Variants in SSH1 observed in about 807,000 individuals in gnomAD.
SSH1 encodes the protein slingshot protein phosphatase 1.
In SSH1, 43 loss-of-function variants were observed where a neutral mutation model predicts 79.7. The ratio of observed to expected loss-of-function variants is 0.54; its 90% CI spans 0.42 to 0.70. The LOEUF (loss-of-function observed/expected upper bound fraction) is 0.70. Ranked by LOEUF, SSH1 falls within the 30% of genes least tolerant of loss-of-function variation. The pLI is 0.00. For missense variants in SSH1, 1,206 were observed against 1,358.8 expected (o/e 0.89, Z 1.77); for synonymous variants, 599 against 538.3 (o/e 1.11, Z -1.56).
intron 3 of SSH1, among the ~76,000 whole-genome samples, chr12:108,819,138 T>C (rs1490326648): frequency 6.6e-6 from 1 of 152,212 alleles, no homozygotes; most frequent in African/African-American, 2.4e-5. Context: ...TAAGTGACTC[T>C]ACAGATAGCA....
At position 108,783,065 on chromosome 12, in the gene SSH1, G is replaced by A. The variant is rs2036173487; in HGVS notation, c.*4923C>T. The A allele has an allele frequency of 6.6e-6, 1 of 152,260 alleles. No individual in the cohort carries two copies. The highest frequency in any genetic ancestry group is 1.5e-5 in the Non-Finnish European group (1 of 68,058). The allele number at this position is 152,260 out of a possible 1,614,324, so 9.4% of individuals were successfully genotyped here. On this transcript the variant is annotated 3_prime_UTR_variant, in exon 15 of 15. Transcript: ENST00000326495. ...AGGTGGTAATAAAATCTCTATGAAA[G>A]AAGAGTATGATTGTGTGACTGGGGA...
rs1199475157 is a variant in SSH1, at chr12:108,788,627, T to C, written c.2511A>G (p.Ala837=). The part of the protein sequence containing the change: ...KELERLKSVP[A]DPAPPSRDGP... The stretch of plus-strand genomic sequence containing the variant: ...CATCCCTGGAGGGAGGTGCTGGGTC[T>C]GCAGGCACGCTCTTCAGCCGCTCTA... Residue 837 remains alanine, a synonymous_variant, in exon 15 of 15, where the codon GCA becomes GCG. Coordinates refer to ENST00000326495, the MANE Select transcript of SSH1 (RefSeq NM_018984.4). 2.5e-6 allele frequency: 4 copies of C among 1,612,146 alleles called. No homozygotes were observed. The highest frequency in any genetic ancestry group is 3.4e-6 in the Non-Finnish European group (4 of 1,178,516).
At chr12:108,837,432 TCA>T (rs1480988287) in intron 2 of SSH1, among the ~76,000 whole-genome samples, 1 of 152,248 alleles carries the variant, frequency 6.6e-6, no homozygotes, top group East Asian at 1.9e-4. Context: ...TGGGAATGCA[TCA>T]GAGTCAGTGT....
At chr12:108,810,106 C>A (rs936458600) in intron 6 of SSH1, among the ~76,000 whole-genome samples, 1 of 151,874 alleles carries the variant, frequency 6.6e-6, no homozygotes, top group African/African-American at 2.4e-5. Flanking sequence ...CCCGGCCGTT[C>A]CTTTTTGTAA....
In SSH1 at chr12:108,828,539, C is replaced by T. The variant is rs2038389946; in HGVS notation, c.111-5178G>A. Among the ~76,000 whole-genome samples, 4 of 152,172 alleles carry T rather than the reference C, an allele frequency of 2.6e-5. No individual in the cohort carries two copies. The South Asian group carries it at 6.2e-4, about 24-fold the overall frequency. On this transcript the variant is annotated intron_variant, in intron 2 of 14. Coordinates refer to ENST00000326495, the MANE Select transcript of SSH1 (RefSeq NM_018984.4). ...AAGTCAGAATGTGGATCACATCTTC[C>T]GTCCTTCTTCCCAGTGTGTGAATGC...
Position 108,792,564 on chromosome 12 carries a change from C to G in SSH1, c.1615G>C (p.Ala539Pro), listed in dbSNP as rs757847121. Residue 539 changes from alanine (A) to proline (P), a missense_variant, in exon 14 of 15, where the codon GCT (alanine) becomes CCT (proline). By Grantham distance (27) the Ala-to-Pro change is conservative. Transcript: ENST00000326495. ...LVHLEDPEREALLEEAAPPAE... is the reference protein window; with the variant it reads ...LVHLEDPEREPLLEEAAPPAE... Reference sequence around the variant, plus strand: ...GGTGGAGCAGCTTCCTCCAACAGAGCCTCCCTCTCCGGATCCTCCAGGTGG... The same window carrying G: ...GGTGGAGCAGCTTCCTCCAACAGAGGCTCCCTCTCCGGATCCTCCAGGTGG... 1.2e-6 allele frequency: 2 copies of G among 1,613,880 alleles called. No homozygotes were observed. The highest frequency in any genetic ancestry group is 2.2e-5 in the South Asian group (2 of 91,066).
At chr12:108,800,695 T>C (rs191056554) in intron 12 of SSH1, 85 bp downstream of exon 12, 153 of 1,550,272 alleles carry the variant, frequency 9.9e-5, no homozygotes, top group Middle Eastern at 6.9e-4. Flanking sequence ...CCAGCCGACT[T>C]CTGCATCTGC....
intron 2 of SSH1, chr12:108,834,141 C>G (rs2038540555): frequency 6.6e-6 from 1 of 151,904 alleles, no homozygotes; most frequent in African/African-American, 2.4e-5. Context: ...AACAGTATTT[C>G]AGAATAAAAA....
At chr12:108,845,253 T>C (rs1311599684) in intron 2 of SSH1, among the ~76,000 whole-genome samples, 5 of 148,070 alleles carry the variant, frequency 3.4e-5, no homozygotes, top group Non-Finnish European at 6.0e-5. Flanking sequence ...AAGAACCACG[T>C]GAGCTTAAAA....
intron 2 of SSH1, among the ~76,000 whole-genome samples, chr12:108,844,021 G>C (rs2038838802): frequency 6.6e-6 from 1 of 152,126 alleles, no homozygotes; most frequent in Non-Finnish European, 1.5e-5. Flanking sequence ...AGGAAGACAC[G>C]AATCATTCCC....
At chr12:108,832,707 A>G (rs2038503834) in intron 2 of SSH1, among the ~76,000 whole-genome samples, 1 of 152,220 alleles carries the variant, frequency 6.6e-6, no homozygotes, top group South Asian at 2.1e-4. Context: ...CGTGTTTAAA[A>G]GTCACAAAGA....
At chr12:108,789,616 G>A (rs1156373152) in intron 14 of SSH1, among the ~76,000 whole-genome samples, 1 of 152,176 alleles carries the variant, frequency 6.6e-6, no homozygotes, top group Non-Finnish European at 1.5e-5. Context: ...AGAAAGCTGT[G>A]TGAAGAGTCC....
chr12:108,856,766 C>T (rs2039152888), intron 1 of SSH1, among the ~76,000 whole-genome samples: 1 of 152,218 alleles, frequency 6.6e-6, no homozygotes, highest in South Asian at 2.1e-4. Flanking sequence ...TCACATCTCA[C>T]ATCGCACAGC....
chr12:108,809,880 CATG>C (rs2037488737), intron 6 of SSH1, 122 bp from the exon 7 acceptor site: 2 of 831,934 alleles, frequency 2.4e-6, no homozygotes, highest in Non-Finnish European at 4.2e-6. Context: ...TCTCAGGCCA[CATG>C]ATGAGGGATT....
At chr12:108,800,211 G>A (rs2036929490) in intron 12 of SSH1, among the ~76,000 whole-genome samples, 1 of 152,146 alleles carries the variant, frequency 6.6e-6, no homozygotes. Context: ...TGTTTCGCAG[G>A]GGAATAAAAT....
intron 12 of SSH1, 55 bp downstream of exon 12, chr12:108,800,725 C>G (rs1027403548): frequency 5.2e-5 from 83 of 1,601,984 alleles, no homozygotes; most frequent in Non-Finnish European, 6.9e-5. Flanking sequence ...CATTCCCACT[C>G]TCCCAGCCTC....
At chr12:108,849,912 AG>A (rs2038981034) in intron 2 of SSH1, among the ~76,000 whole-genome samples, 1 of 2,050 alleles carries the variant, frequency 4.9e-4, no homozygotes, top group Admixed American at 7.5e-3. Context: ...GAGCTGGGGG[AG>A]GGGAACATGG....
chr12:108,843,557 C>CA (rs1362516091), intron 2 of SSH1, among the ~76,000 whole-genome samples: 11 of 152,230 alleles, frequency 7.2e-5, no homozygotes, highest in African/African-American at 2.2e-4. Flanking sequence ...TGGTTTGAGA[C>CA]AGAGTCTCAC....
chr12:108,807,944 A>G lies in SSH1; in HGVS notation c.537-117T>C, dbSNP rs943349838. On this transcript the variant is annotated intron_variant, in intron 7 of 14. Coordinates refer to ENST00000326495, the MANE Select transcript of SSH1 (RefSeq NM_018984.4). The surrounding 1 kb of genome is among the most constrained non-coding windows in gnomAD (Gnocchi z 5.2). Reference sequence around the variant, plus strand: ...AAGGGCAATGATTGATTGGTTGATTATTTCTTTTTGGGACAGAGTCTCGCT... The same window carrying G: ...AAGGGCAATGATTGATTGGTTGATTGTTTCTTTTTGGGACAGAGTCTCGCT... 1.5e-5 allele frequency: 14 copies of G among 950,810 alleles called. No individual in the cohort carries two copies. In the African/African-American group the frequency reaches 1.8e-4, roughly 12 times the overall value. The allele number at this position is 950,810 out of a possible 1,614,324, so 58.9% of individuals were successfully genotyped here. A position where few individuals can be genotyped will look rare whatever the true frequency, so the allele number is the denominator to read the frequency against.
Sources: allele counts gnomAD v4.1 joint callset (sites outside exome capture counted in the v4.1 genomes callset), GRCh38; gene constraint gnomAD v4.1.1; non-coding constraint Gnocchi (gnomAD v3.1); transcripts MANE v1.5; gene names NCBI Gene and HGNC (gene_info 2026-07-23, HGNC 2026-07-21).